FBXO34: variants seen among roughly 807,000 people sequenced by gnomAD.
FBXO34 encodes the protein F-box only protein 34.
Under a neutral mutation model 24.5 loss-of-function variants are expected in FBXO34, and 12 were observed. The observed-to-expected ratio is 0.49, with a 90% CI of 0.31 to 0.79. FBXO34 has a LOEUF of 0.79. Among genes scored for constraint, FBXO34 ranks in the 30% least tolerant of loss-of-function variants. FBXO34 has a pLI of 0.04. For missense variants in FBXO34, 823 were observed against 857.7 expected, an observed-to-expected ratio of 0.96 and a Z score of 0.51; for synonymous variants, 320 against 311.9, an observed-to-expected ratio of 1.03 and a Z score of -0.27.
intron 1 of FBXO34, among the ~76,000 whole-genome samples, chr14:55,347,292 G>T (rs905046777): frequency 2.0e-5 from 3 of 152,194 alleles, no homozygotes; most frequent in African/African-American, 7.2e-5. Context: ...GCCACCATCT[G>T]TTGTAATCTG....
At chr14:55,367,170 A>C (rs541798570) in exon 3 of FBXO34, 2 of 152,264 alleles carry the variant, frequency 1.3e-5, no homozygotes, top group African/African-American at 4.8e-5. Context: ...TCATGGTTTC[A>C]TAAGAGGCTT....
At chr14:55,362,195 TAAG>T (rs1215978849), downstream of FBXO34, among the ~76,000 whole-genome samples, 1 of 152,148 alleles carries the variant, frequency 6.6e-6, no homozygotes, top group Non-Finnish European at 1.5e-5. Context: ...TCTCAGGGAA[TAAG>T]GAGGCCCGAA....
intron 1 of FBXO34, chr14:55,285,219 C>G (rs1881717045): frequency 6.7e-6 from 1 of 149,784 alleles, no homozygotes. Context: ...ACTAAAAATA[C>G]AAAATTAGCC....
intron 1 of FBXO34, among the ~76,000 whole-genome samples, chr14:55,341,999 C>A (rs917692662): frequency 1.1e-4 from 16 of 150,948 alleles, no homozygotes; most frequent in African/African-American, 3.6e-4. Context: ...CATAATATTA[C>A]TAATTCACTA....
the FBXO34 span, chr14:55,436,786 T>C: frequency 3.9e-5 from 63 of 1,614,112 alleles, no homozygotes; most frequent in Admixed American, 5.0e-5. Context: ...TTGTGGACTT[T>C]GGCTTTCAGA....
chr14:55,413,395 A>G, the FBXO34 span: 4 of 177,242 alleles, frequency 2.3e-5, no homozygotes, highest in South Asian at 4.1e-4. Flanking sequence ...ATGTTGCTAT[A>G]TATTTTCAGA....
chr14:55,440,394 A>G, the FBXO34 span: 1 of 1,612,706 alleles, frequency 6.2e-7, no homozygotes, highest in Non-Finnish European at 8.5e-7. Flanking sequence ...CGGCAGCCTC[A>G]CCTGAGCGGC....
chr14:55,432,161 A>C, the FBXO34 span, among the ~76,000 whole-genome samples: 2 of 151,602 alleles, frequency 1.3e-5, no homozygotes, highest in African/African-American at 4.8e-5. Flanking sequence ...TAATCCCAGC[A>C]CTTTGGGAGA....
downstream of FBXO34, chr14:55,366,642 C>CTTAG (rs10628679): frequency 0.56 from 84,511 of 151,884 alleles, 26,495 homozygotes; most frequent in African/African-American, 0.87. Context: ...CAAAACTTTT[C>CTTAG]TTATATTCCA....
intron 1 of FBXO34, among the ~76,000 whole-genome samples, chr14:55,280,751 C>T (rs1881509700): frequency 6.6e-6 from 1 of 152,034 alleles, no homozygotes; most frequent in Admixed American, 6.5e-5. Flanking sequence ...TGGTCTCGAT[C>T]TCCTGACCTC....
chr14:55,372,295 TCC>T (rs1884837332), downstream of FBXO34, among the ~76,000 whole-genome samples: 1 of 137,630 alleles, frequency 7.3e-6, no homozygotes, highest in African/African-American at 2.5e-5. Flanking sequence ...ACCACCACTT[TCC>T]CATCTGCCTC....
At chr14:55,402,973 A>G in the FBXO34 span, among the ~76,000 whole-genome samples, 162 of 109,444 alleles carry the variant, frequency 1.5e-3, 3 homozygotes, top group Non-Finnish European at 2.5e-3. Flanking sequence ...ATATATAAAT[A>G]GCTGGGCATA....
the FBXO34 span, among the ~76,000 whole-genome samples, chr14:55,425,744 A>G: frequency 6.6e-6 from 1 of 152,218 alleles, no homozygotes; most frequent in Non-Finnish European, 1.5e-5. Context: ...CAATTACATT[A>G]AAGACCCTGC....
the FBXO34 span, among the ~76,000 whole-genome samples, chr14:55,406,964 CTTTT>C: frequency 2.8e-5 from 4 of 141,444 alleles, no homozygotes; most frequent in African/African-American, 1.0e-4. Context: ...TTGAGATTGT[CTTTT>C]TTTTTTTTTT....
chr14:55,401,536 T>C, the FBXO34 span, among the ~76,000 whole-genome samples: 2 of 152,236 alleles, frequency 1.3e-5, no homozygotes, highest in African/African-American at 2.4e-5. Flanking sequence ...TCTTCTATAT[T>C]ATTCACTAAA....
chr14:55,281,441 A>G (rs751692727), intron 1 of FBXO34, among the ~76,000 whole-genome samples: 20 of 152,026 alleles, frequency 1.3e-4, no homozygotes, highest in Non-Finnish European at 2.2e-4. Flanking sequence ...GCCCCCTTCA[A>G]TCTTATACAC....
At chr14:55,283,740 C>T (rs1040306120) in intron 1 of FBXO34, among the ~76,000 whole-genome samples, 18 of 152,146 alleles carry the variant, frequency 1.2e-4, no homozygotes, top group African/African-American at 4.1e-4. Context: ...ATTACAGGCA[C>T]GTGAGCCACC....
intron 1 of FBXO34, among the ~76,000 whole-genome samples, chr14:55,314,619 TGATA>T (rs1286289676): frequency 6.6e-6 from 1 of 152,222 alleles, no homozygotes; most frequent in African/African-American, 2.4e-5. Flanking sequence ...ATGTATAAAA[TGATA>T]GATGATAATA....
intron 1 of FBXO34, among the ~76,000 whole-genome samples, chr14:55,275,596 C>G (rs578248904): frequency 2.0e-5 from 3 of 150,574 alleles, no homozygotes; most frequent in Non-Finnish European, 4.4e-5. Flanking sequence ...GGGCAGAACA[C>G]GAGGTCAGGA....
Sources: gnomAD v4.1 joint callset for allele counts (sites outside exome capture counted in the v4.1 genomes callset) on GRCh38, gnomAD v4.1.1 for gene constraint, MANE v1.5 for transcripts, NCBI Gene and HGNC (gene_info 2026-07-23, HGNC 2026-07-21) for gene names.